AGMO: variants seen among roughly 807,000 people sequenced by gnomAD.
AGMO encodes alkylglycerol monooxygenase.
A neutral mutation model predicts 60.2 loss-of-function variants in AGMO; 75 were observed. That is an observed-to-expected ratio of 1.25 (90% CI 1.03 to 1.51). The LOEUF (loss-of-function observed/expected upper bound fraction) is 1.51, where lower values mean the gene tolerates loss of function less well. Ranked by LOEUF, AGMO falls within the 40% of genes most tolerant of loss-of-function variation. The probability of loss-of-function intolerance (pLI) is 0.00; values close to 1 mark genes in which losing one functional copy is unlikely to be tolerated. For missense variants in AGMO, 763 were observed against 525.5 expected (o/e 1.45, Z -4.42); for synonymous variants, 261 against 177.1 (o/e 1.47, Z -3.76).
intron 3 of AGMO, among the ~76,000 whole-genome samples, chr7:15,532,271 G>T (rs565126294): frequency 6.6e-6 from 1 of 152,274 alleles, no homozygotes; most frequent in African/African-American, 2.4e-5. Context: ...ATTAGTGTGT[G>T]TTGCATTTAA....
At chr7:15,146,079 T>A in the AGMO span, among the ~76,000 whole-genome samples, 1,209 of 152,266 alleles carry the variant, frequency 7.9e-3, 25 homozygotes, top group African/African-American at 0.028. Flanking sequence ...ACAGATCTAA[T>A]CCTTCACTCA....
At chr7:15,317,889 A>G (rs559259774) in intron 12 of AGMO, among the ~76,000 whole-genome samples, 1 of 145,630 alleles carries the variant, frequency 6.9e-6, no homozygotes, top group East Asian at 2.0e-4. Flanking sequence ...ATACACACGT[A>G]TATATATACA....
At chr7:15,120,376 A>G in the AGMO span, among the ~76,000 whole-genome samples, 1 of 152,166 alleles carries the variant, frequency 6.6e-6, no homozygotes, top group Non-Finnish European at 1.5e-5. Context: ...CTTAATATAT[A>G]TTAATATGTT....
At chr7:15,296,348 A>G (rs941766134) in intron 12 of AGMO, among the ~76,000 whole-genome samples, 3 of 152,182 alleles carry the variant, frequency 2.0e-5, no homozygotes, top group African/African-American at 7.2e-5. Flanking sequence ...GGAACATATG[A>G]AAGGATGTAA....
chr7:15,288,988 T>C (rs1291166734), intron 12 of AGMO, among the ~76,000 whole-genome samples: 1 of 151,970 alleles, frequency 6.6e-6, no homozygotes, highest in Non-Finnish European at 1.5e-5. Context: ...TTGCTAAGTG[T>C]GCTGTTGTTC....
chr7:15,161,823 G>A, the AGMO span, among the ~76,000 whole-genome samples: 1 of 151,956 alleles, frequency 6.6e-6, no homozygotes, highest in Admixed American at 6.6e-5. Context: ...CTGGCATCCT[G>A]TTAGTATGTG....
intron 10 of AGMO, 44 bp from the exon 11 acceptor site, chr7:15,366,266 G>T (rs754432335): frequency 6.8e-7 from 1 of 1,464,054 alleles, no homozygotes; most frequent in Non-Finnish European, 9.4e-7. Flanking sequence ...TAGAAGAATT[G>T]TTAAAAGGTA....
intron 12 of AGMO, among the ~76,000 whole-genome samples, chr7:15,290,994 T>C (rs1340056478): frequency 1.3e-5 from 2 of 152,108 alleles, no homozygotes; most frequent in Non-Finnish European, 1.5e-5. Context: ...GCTCCGTTTT[T>C]TCGAAAGTGC....
At chr7:15,336,274 T>A (rs1476785369) in intron 12 of AGMO, among the ~76,000 whole-genome samples, 2 of 151,190 alleles carry the variant, frequency 1.3e-5, no homozygotes, top group Non-Finnish European at 3.0e-5. Flanking sequence ...TTACCACAAA[T>A]GTATGTCCAC....
intron 5 of AGMO, among the ~76,000 whole-genome samples, chr7:15,416,869 T>A (rs537446092): frequency 6.6e-6 from 1 of 152,130 alleles, no homozygotes; most frequent in Admixed American, 6.5e-5. Context: ...GACAAGCAAA[T>A]GATAAAAATA....
intron 10 of AGMO, among the ~76,000 whole-genome samples, chr7:15,377,651 C>T (rs895485476): frequency 6.6e-6 from 1 of 151,986 alleles, no homozygotes; most frequent in African/African-American, 2.4e-5. Flanking sequence ...GCGAACTGTA[C>T]TCAACATTGG....
intron 12 of AGMO, among the ~76,000 whole-genome samples, chr7:15,364,996 C>T (rs371431674): frequency 2.0e-5 from 3 of 152,052 alleles, no homozygotes; most frequent in African/African-American, 4.8e-5. Context: ...AAGTTCAATG[C>T]AGTTCTTGGA....
intron 3 of AGMO, among the ~76,000 whole-genome samples, chr7:15,480,205 C>A (rs920160505): frequency 1.2e-4 from 18 of 151,918 alleles, no homozygotes; most frequent in African/African-American, 4.4e-4. Context: ...ATTGCTAGTG[C>A]GAGTAATTAA....
chr7:15,496,634 A>G (rs566352074), intron 3 of AGMO, among the ~76,000 whole-genome samples: 1 of 152,282 alleles, frequency 6.6e-6, no homozygotes, highest in African/African-American at 2.4e-5. Flanking sequence ...ACACAAACAC[A>G]TGAAAAAGTT....
At chr7:15,367,825 G>T (rs1783045536) in intron 10 of AGMO, among the ~76,000 whole-genome samples, 1 of 151,944 alleles carries the variant, frequency 6.6e-6, no homozygotes, top group African/African-American at 2.4e-5. Context: ...AAAACATTAT[G>T]CAAGCACTCT....
At chr7:15,169,428 C>CT in the AGMO span, among the ~76,000 whole-genome samples, 4 of 151,822 alleles carry the variant, frequency 2.6e-5, no homozygotes, top group South Asian at 2.1e-4. Flanking sequence ...GTGTCTTTTT[C>CT]TTTTTTTTCT....
At chr7:15,159,920 T>C in the AGMO span, among the ~76,000 whole-genome samples, 3 of 152,204 alleles carry the variant, frequency 2.0e-5, no homozygotes, top group Non-Finnish European at 4.4e-5. Flanking sequence ...AGATCCGATG[T>C]ATTTCTCTGC....
At chr7:15,234,196 T>A (rs1782347811) in intron 12 of AGMO, among the ~76,000 whole-genome samples, 2 of 152,200 alleles carry the variant, frequency 1.3e-5, no homozygotes, top group Non-Finnish European at 2.9e-5. Context: ...AGTAAATTTA[T>A]GTTTGTCAGA....
intron 3 of AGMO, among the ~76,000 whole-genome samples, chr7:15,468,605 T>G (rs1490410583): frequency 6.6e-6 from 1 of 152,086 alleles, no homozygotes; most frequent in South Asian, 2.1e-4. Flanking sequence ...AGAACGTGCC[T>G]TAGAGATATA....
Sources: allele counts gnomAD v4.1 joint callset (sites outside exome capture counted in the v4.1 genomes callset), GRCh38; gene constraint gnomAD v4.1.1; transcripts MANE v1.5; gene names NCBI Gene and HGNC (gene_info 2026-07-23, HGNC 2026-07-21).